Variants in PREB observed in about 807,000 individuals in gnomAD.
The protein encoded by PREB is prolactin regulatory element binding, also known as guanine nucleotide-exchange factor SEC12.
Under a neutral mutation model 46.7 loss-of-function variants are expected in PREB, and 29 were observed. The observed-to-expected ratio is 0.62, with a 90% CI of 0.46 to 0.85. The LOEUF is 0.85. Ranked by LOEUF, PREB falls within the 40% of genes least tolerant of loss-of-function variation. The pLI is 0.00. For synonymous variants in PREB, 224 were observed against 220.1 expected, an observed-to-expected ratio of 1.02 and a Z score of -0.16; for missense variants, 494 against 528.4, an observed-to-expected ratio of 0.93 and a Z score of 0.64.
Position 27,134,543 on chromosome 2 carries a change from CCT to C in PREB, c.-124_-123del, listed in dbSNP as rs1672423646. ...GTCGCCGCCGGGAGCACTCCCTACC[CCT>C]CTCACACCGGGGAGTTGCCAAAACC... On this transcript the variant is annotated 5_prime_UTR_variant, in exon 1 of 9. It introduces an in-frame stop codon into an upstream open reading frame of the 5' UTR. Coordinates refer to ENST00000260643, the MANE Select transcript of PREB (RefSeq NM_013388.6). The C allele has an allele frequency of 7.3e-7, 1 of 1,369,510 alleles. No individual in the cohort carries two copies. The highest frequency in any genetic ancestry group is 1.5e-5 in the African/African-American group (1 of 64,784). 84.8% of individuals were successfully genotyped at this position (1,369,510 alleles called of 1,614,324 possible).
At chr2:27,133,861 G>A in intron 1 of PREB, 140 bp from the exon 2 acceptor site, 9 of 754,450 alleles carry the variant, frequency 1.2e-5, no homozygotes, top group African/African-American at 1.8e-5. Flanking sequence ...TCTCATTTGG[G>A]CCTCACAAAT....
Position 27,132,597 on chromosome 2 carries a change from T to TCCC in PREB, c.752+5_752+6insGGG. 1.2e-6 allele frequency: 2 copies of TCCC among 1,613,832 alleles called. No individual in the cohort carries two copies. Among genetic ancestry groups the TCCC allele is most frequent in the Non-Finnish European group, 1.7e-6 (2 of 1,179,968 alleles). On this transcript the variant is annotated splice_donor_region_variant and intron_variant, in intron 5 of 8. Coordinates refer to ENST00000260643, the MANE Select transcript of PREB (RefSeq NM_013388.6). This position sits in a 1 kb window ranked among gnomAD's most constrained non-coding sequence, Gnocchi z 4.0. Reference sequence around the variant, plus strand: ...CTCTTTCAGCCACCACCCAAAGTCTTCACACCTGCAGGCCTGGTAGCGGTA... The same window carrying TCCC: ...CTCTTTCAGCCACCACCCAAAGTCTTCCCCACACCTGCAGGCCTGGTAGCGGTA...
chr2:27,134,208 C>A, intron 1 of PREB, 79 bp downstream of exon 1: 1 of 1,441,658 alleles, frequency 6.9e-7, no homozygotes, highest in Non-Finnish European at 9.2e-7. Context: ...GAGTGTGGCC[C>A]GCCCCGCGAC....
chr2:27,133,735 A>T lies in PREB; in HGVS notation c.136-14T>A, dbSNP rs1418119345. 6.2e-7 allele frequency: 1 copy of T among 1,612,530 alleles called. No individual in the cohort carries two copies. The highest frequency in any genetic ancestry group is 1.7e-5 in the Admixed American group (1 of 59,922). On this transcript the variant is annotated splice_polypyrimidine_tract_variant and intron_variant, in intron 1 of 8. Coordinates refer to ENST00000260643, the MANE Select transcript of PREB (RefSeq NM_013388.6). The stretch of plus-strand genomic sequence containing the variant: ...CTGCAGAAAGTGCTGTGGGAGGGGG[A>T]ACCCGGATGAGCAAGTTCAGGGGTG...
In PREB at chr2:27,132,742, A is replaced by C. The variant is rs1558479537; in HGVS notation, c.628-15T>G. The C allele has an allele frequency of 6.2e-7, 1 of 1,614,162 alleles. No homozygotes were observed. Among genetic ancestry groups the C allele is most frequent in the African/African-American group, 1.3e-5 (1 of 75,038 alleles). On this transcript the variant is annotated splice_polypyrimidine_tract_variant and intron_variant, in intron 4 of 8. Coordinates refer to ENST00000260643, the MANE Select transcript of PREB (RefSeq NM_013388.6). This position sits in a 1 kb window ranked among gnomAD's most constrained non-coding sequence, Gnocchi z 4.0. ...ACGGTTACCAACTAGTTAGGAATAA[A>C]GATTCCAAGGATGGACAGTTAGGGG... is the stretch of plus-strand genomic sequence containing the variant.
In PREB at chr2:27,132,053, G is replaced by C. The variant is rs778377650; in HGVS notation, c.956C>G (p.Thr319Arg). Residue 319 changes from threonine to arginine, a missense_variant, in exon 7 of 9, where the codon ACA becomes AGA. Physicochemically the swap from Thr to Arg is moderately conservative, Grantham distance 71 (BLOSUM62 -1). Transcript: ENST00000260643. This position sits in a 1 kb window ranked among gnomAD's most constrained non-coding sequence, Gnocchi z 4.0. The part of the protein sequence containing the change: ...SESGTFLGLG[T>R]VTGSVAIYIA... ...GTAGATGGCAACAGAGCCAGTGACTGTGCCCAGGCCTAGGAAGGTGCCGGA... is the reference window on the plus strand; with the variant it reads ...GTAGATGGCAACAGAGCCAGTGACTCTGCCCAGGCCTAGGAAGGTGCCGGA... 7.4e-6 allele frequency: 12 copies of C among 1,614,186 alleles called. No homozygotes were observed. Among genetic ancestry groups the C allele is most frequent in the Non-Finnish European group, 1.0e-5 (12 of 1,180,022 alleles).
Position 27,134,425 on chromosome 2 carries a change from G to A in PREB, c.-4C>T, listed in dbSNP as rs1344385770. 1.9e-6 allele frequency: 3 copies of A among 1,559,588 alleles called. No individual in the cohort carries two copies. The highest frequency in any genetic ancestry group is 4.8e-5 in the East Asian group (2 of 41,246). ...CTGGCGCCCGGCGCCGGCCCATCCC[G>A]CCCGGCGCGCGTTCACTGCCCGCAC... On this transcript the variant is annotated 5_prime_UTR_variant, in exon 1 of 9. Transcript: ENST00000260643.
rs759595804 is a variant in PREB, at chr2:27,131,330, T to C, written c.*84A>G. The C allele has an allele frequency of 2.4e-6, 3 of 1,267,388 alleles. No homozygotes were observed. The highest frequency in any genetic ancestry group is 3.4e-6 in the Non-Finnish European group (3 of 890,890). 78.5% of individuals were successfully genotyped at this position (1,267,388 alleles called of 1,614,324 possible). On this transcript the variant is annotated 3_prime_UTR_variant, in exon 9 of 9. Transcript: ENST00000260643. Reference sequence around the variant, plus strand: ...CGGCAACCTCAGCTGTGGACCCGAATGGAGTGAGCAAAGGGAGTCCAGGCC... The same window carrying C: ...CGGCAACCTCAGCTGTGGACCCGAACGGAGTGAGCAAAGGGAGTCCAGGCC...
chr2:27,131,336 G>C lies in PREB; in HGVS notation c.*78C>G. 7.6e-7 allele frequency: 1 copy of C among 1,320,072 alleles called. No homozygotes were observed. The highest frequency in any genetic ancestry group is 1.1e-6 in the Non-Finnish European group (1 of 937,446). The allele number at this position is 1,320,072 out of a possible 1,614,324, so 81.8% of individuals were successfully genotyped here. On this transcript the variant is annotated 3_prime_UTR_variant, in exon 9 of 9. Transcript: ENST00000260643. ...CCTCAGCTGTGGACCCGAATGGAGT[G>C]AGCAAAGGGAGTCCAGGCCTCCACT...
In PREB at chr2:27,134,598, A is replaced by T. The variant is rs904362806; in HGVS notation, c.-177T>A. On this transcript the variant is annotated 5_prime_UTR_variant, in exon 1 of 9. Transcript: ENST00000260643. ...GACCATCAGCAGGAAGCCGAGCCTC[A>T]GCTCGGCTCCGTCCAAGTCGGTCTC... is the stretch of plus-strand genomic sequence containing the variant. 2 of 1,336,816 alleles carry T rather than the reference A, an allele frequency of 1.5e-6. No individual in the cohort carries two copies. Among genetic ancestry groups the T allele is most frequent in the Non-Finnish European group, 9.5e-7 (1 of 1,049,198 alleles). The allele number at this position is 1,336,816 out of a possible 1,614,324, so 82.8% of individuals were successfully genotyped here. A position where few individuals can be genotyped will look rare whatever the true frequency, so the allele number is the denominator to read the frequency against.
Position 27,133,224 on chromosome 2 carries a change from C to G in PREB, c.439G>C (p.Val147Leu). The G allele has an allele frequency of 1.2e-6, 2 of 1,614,222 alleles. No individual in the cohort carries two copies. The highest frequency in any genetic ancestry group is 1.7e-6 in the Non-Finnish European group (2 of 1,180,058). Residue 147 changes from valine to leucine, a missense_variant, in exon 3 of 9, where the codon GTG becomes CTG. By Grantham distance (32) the Val-to-Leu change is conservative. Transcript: ENST00000260643. ...LELRVENLQA[V>L]QTDFSSDPLQ... ...GGATCGGAGCTAAAGTCTGTCTGCA[C>G]CGCCTGCAAATTCTCTACCCTGAGT...
Position 27,134,370 on chromosome 2 carries a change from C to T in PREB, c.52G>A (p.Ala18Thr). ...ELYRAPFPLY[A>T]LQVDPSTGLL... The stretch of plus-strand genomic sequence containing the variant: ...CCAGTGCTGGGGTCGACCTGAAGCG[C>T]GTACAACGGGAACGGAGCCCGGTAC... Residue 18 changes from alanine (A) to threonine (T), a missense_variant, in exon 1 of 9, where the codon GCG (alanine) becomes ACG (threonine). Physicochemically the swap from Ala to Thr is moderately conservative, Grantham distance 58. Transcript: ENST00000260643. 1 of 1,610,848 alleles carries T rather than the reference C, an allele frequency of 6.2e-7. No individual in the cohort carries two copies. Among genetic ancestry groups the T allele is most frequent in the Non-Finnish European group, 8.5e-7 (1 of 1,179,334 alleles).
rs746812273 is a variant in PREB at position 27,130,792 on chromosome 2, A to G, written c.*622T>C. On this transcript the variant is annotated 3_prime_UTR_variant, in exon 9 of 9. Coordinates refer to ENST00000260643, the MANE Select transcript of PREB (RefSeq NM_013388.6). ...AGTTCACTCTTTCCTTGTTTATTAA[A>G]TATCAACTTTTCCTGCCTAATGGGC... is the stretch of plus-strand genomic sequence containing the variant. The G allele has an allele frequency of 5.7e-6, 9 of 1,585,688 alleles. No individual in the cohort carries two copies. The Admixed American group carries it at 6.7e-5, about 12-fold the overall frequency.
intron 1 of PREB, chr2:27,134,010 G>C (rs1276615479): frequency 1.1e-5 from 7 of 609,554 alleles, no homozygotes; most frequent in East Asian, 1.1e-4. Flanking sequence ...TCCCGGAAAA[G>C]GCCAGTATAA....
chr2:27,131,007 G>A lies in PREB; in HGVS notation c.*407C>T. ...CCCCAGCAAATGCCAGGGGCTTCAT[G>A]TGAAGAGGAACTGGCCACAAGGCTG... is the stretch of plus-strand genomic sequence containing the variant. On this transcript the variant is annotated 3_prime_UTR_variant, in exon 9 of 9. Transcript: ENST00000260643. 1.8e-6 allele frequency: 1 copy of A among 555,774 alleles called. No individual in the cohort carries two copies. Among genetic ancestry groups the A allele is most frequent in the Non-Finnish European group, 3.2e-6 (1 of 311,068 alleles). The allele number at this position is 555,774 out of a possible 1,614,324, so 34.4% of individuals were successfully genotyped here.
chr2:27,132,207 G>C lies in PREB; in HGVS notation c.926+23C>G, dbSNP rs549601409. Reference sequence around the variant, plus strand: ...AGCTCCCTCAGGGACCCCCTACCTAGCCAAGGCAGCAATGTCTCACACCTG... The same window carrying C: ...AGCTCCCTCAGGGACCCCCTACCTACCCAAGGCAGCAATGTCTCACACCTG... On this transcript the variant is annotated intron_variant, in intron 6 of 8. Transcript: ENST00000260643. This position sits in a 1 kb window ranked among gnomAD's most constrained non-coding sequence, Gnocchi z 4.0. 1 of 1,614,028 alleles carries C rather than the reference G, an allele frequency of 6.2e-7. No homozygotes were observed. The highest frequency in any genetic ancestry group is 8.5e-7 in the Non-Finnish European group (1 of 1,179,894).
chr2:27,131,517 G>A lies in PREB; in HGVS notation c.1160-9C>T, dbSNP rs754263754. On this transcript the variant is annotated splice_polypyrimidine_tract_variant and intron_variant, in intron 8 of 8. Coordinates refer to ENST00000260643, the MANE Select transcript of PREB (RefSeq NM_013388.6). ...CCACACAGGAACACTCCCTGCAGGA[G>A]GGAAAGGGAGGAGGTCAGCGGGCAA... 4.4e-6 allele frequency: 7 copies of A among 1,594,474 alleles called. No homozygotes were observed. Among genetic ancestry groups the A allele is most frequent in the Non-Finnish European group, 5.1e-6 (6 of 1,169,930 alleles).
Position 27,130,771 on chromosome 2 carries a change from C to T in PREB, c.*643G>A. 1 of 1,603,204 alleles carries T rather than the reference C, an allele frequency of 6.2e-7. No individual in the cohort carries two copies. The highest frequency in any genetic ancestry group is 8.5e-7 in the Non-Finnish European group (1 of 1,170,384). ...AAGAGTACCATTTGGGGTCTCAGTTCACTCTTTCCTTGTTTATTAAATATC... is the reference window on the plus strand; with the variant it reads ...AAGAGTACCATTTGGGGTCTCAGTTTACTCTTTCCTTGTTTATTAAATATC... On this transcript the variant is annotated 3_prime_UTR_variant, in exon 9 of 9. Transcript: ENST00000260643.
chr2:27,134,481 T>C lies in PREB; in HGVS notation c.-60A>G. On this transcript the variant is annotated 5_prime_UTR_variant, in exon 1 of 9. Coordinates refer to ENST00000260643, the MANE Select transcript of PREB (RefSeq NM_013388.6). ...CACCCAGGACATGCCGCGCCGGGCC[T>C]TCGACTACTGCCCCGGCGGCTGGTG... 1 of 1,420,286 alleles carries C rather than the reference T, an allele frequency of 7.0e-7. No individual in the cohort carries two copies. Among genetic ancestry groups the C allele is most frequent in the Non-Finnish European group, 9.1e-7 (1 of 1,097,266 alleles). 88.0% of individuals were successfully genotyped at this position (1,420,286 alleles called of 1,614,324 possible).
Sources: gnomAD v4.1 joint callset for allele counts on GRCh38, gnomAD v4.1.1 for gene constraint, Gnocchi (gnomAD v3.1) non-coding constraint, MANE v1.5 for transcripts, NCBI Gene and HGNC (gene_info 2026-07-23, HGNC 2026-07-21) for gene names.